Variants in CYTH3 observed in about 807,000 individuals in gnomAD.
CYTH3 encodes cytohesin 3.
Under a neutral mutation model 55.1 loss-of-function variants are expected in CYTH3, and 23 were observed. That is an observed-to-expected ratio of 0.42 (90% confidence interval 0.30 to 0.59). The LOEUF (loss-of-function observed/expected upper bound fraction) is 0.59, where lower values mean the gene tolerates loss of function less well. CYTH3 is among the 20% of genes least tolerant of loss of function. CYTH3 has a pLI of 0.20. For missense variants in CYTH3, 413 were observed against 524.8 expected, an observed-to-expected ratio of 0.79 and a Z score of 2.08; for synonymous variants, 249 against 194.9, an observed-to-expected ratio of 1.28 and a Z score of -2.31.
intron 1 of CYTH3, among the ~76,000 whole-genome samples, chr7:6,239,209 T>C (rs1388368587): frequency 6.6e-6 from 1 of 152,092 alleles, no homozygotes; most frequent in Admixed American, 6.6e-5. Context: ...GCAACCTTTA[T>C]ACTTCATCAA....
intron 1 of CYTH3, among the ~76,000 whole-genome samples, chr7:6,269,304 A>C (rs1413198081): frequency 6.6e-6 from 1 of 152,180 alleles, no homozygotes; most frequent in Non-Finnish European, 1.5e-5. Context: ...CTTGAAACAG[A>C]CTTTGTATAC....
At chr7:6,185,453 T>A (rs1023340297) in intron 4 of CYTH3, among the ~76,000 whole-genome samples, 1 of 151,942 alleles carries the variant, frequency 6.6e-6, no homozygotes, top group Non-Finnish European at 1.5e-5. Context: ...TCCCAGCACT[T>A]TGGGAGGCCA....
chr7:6,214,064 T>C (rs1784378191), intron 1 of CYTH3, among the ~76,000 whole-genome samples: 1 of 152,162 alleles, frequency 6.6e-6, no homozygotes, highest in South Asian at 2.1e-4. Context: ...ATAGGGCCCA[T>C]CTTGGACCAC....
rs533621501 is a variant in CYTH3 at position 6,249,781 on chromosome 7, T to C, written c.34+22693A>G. The stretch of plus-strand genomic sequence containing the variant: ...TATATTCAAGGTGTACATCTCGATG[T>C]CTTGATTAAGGAGACACTGTGAAAT... On this transcript the variant is annotated intron_variant, in intron 1 of 12. Transcript: ENST00000350796. 5.3e-5 allele frequency among the ~76,000 whole-genome samples: 8 copies of C among 152,276 alleles called. No individual in the cohort carries two copies. The South Asian group carries it at 1.7e-3, about 32-fold the overall frequency.
chr7:6,239,767 T>C (rs752180892), intron 1 of CYTH3, among the ~76,000 whole-genome samples: 1 of 152,206 alleles, frequency 6.6e-6, no homozygotes, highest in Non-Finnish European at 1.5e-5. Flanking sequence ...TCATTTATGA[T>C]AGCAATAAAA....
intron 1 of CYTH3, among the ~76,000 whole-genome samples, chr7:6,216,965 T>A (rs1583170374): frequency 6.6e-6 from 1 of 150,994 alleles, no homozygotes; most frequent in Non-Finnish European, 1.5e-5. Flanking sequence ...CAGGCTGGAG[T>A]GCAGTGGCAT....
chr7:6,226,023 T>C (rs988109524), intron 1 of CYTH3, among the ~76,000 whole-genome samples: 4 of 152,190 alleles, frequency 2.6e-5, no homozygotes, highest in African/African-American at 9.7e-5. Context: ...AATTTTTGTC[T>C]TTAAACAAAG....
intron 4 of CYTH3, among the ~76,000 whole-genome samples, chr7:6,181,515 C>G (rs895133976): frequency 6.6e-6 from 1 of 152,226 alleles, no homozygotes; most frequent in African/African-American, 2.4e-5. Flanking sequence ...CTTAGGTAAT[C>G]TGATCTTTCC....
At chr7:6,265,734 A>C (rs753399870) in intron 1 of CYTH3, among the ~76,000 whole-genome samples, 5 of 152,174 alleles carry the variant, frequency 3.3e-5, no homozygotes, top group Admixed American at 6.5e-5. Context: ...AGGAAAGAGC[A>C]AACTTTCAGA....
intron 2 of CYTH3, among the ~76,000 whole-genome samples, chr7:6,189,142 A>C (rs748766615): frequency 8.5e-5 from 13 of 152,114 alleles, no homozygotes; most frequent in Non-Finnish European, 5.9e-5. Flanking sequence ...GGAAGGAGCC[A>C]GGGCCGGCCC....
intron 1 of CYTH3, among the ~76,000 whole-genome samples, chr7:6,234,137 C>T (rs941153963): frequency 1.3e-5 from 2 of 152,194 alleles, no homozygotes; most frequent in African/African-American, 2.4e-5. Context: ...CTTTCTAAAT[C>T]GCAGAACTGA....
At chr7:6,253,621 G>T (rs961486151) in intron 1 of CYTH3, among the ~76,000 whole-genome samples, 1 of 151,810 alleles carries the variant, frequency 6.6e-6, no homozygotes, top group African/African-American at 2.4e-5. Context: ...TTTGAGACCA[G>T]CCTGGCCAAT....
chr7:6,241,809 T>TA (rs1032769741), intron 1 of CYTH3, among the ~76,000 whole-genome samples: 6 of 152,066 alleles, frequency 3.9e-5, no homozygotes, highest in Admixed American at 3.3e-4. Context: ...CTATCAGTTT[T>TA]AAAAAAATAA....
chr7:6,191,833 T>G (rs182168788), intron 1 of CYTH3, among the ~76,000 whole-genome samples: 1 of 148,274 alleles, frequency 6.7e-6, no homozygotes, highest in African/African-American at 2.6e-5. Flanking sequence ...TCCAAGCACT[T>G]TGGGAGGCCA....
intron 4 of CYTH3, among the ~76,000 whole-genome samples, chr7:6,178,974 G>T (rs1025299337): frequency 1.3e-5 from 2 of 152,216 alleles, no homozygotes; most frequent in Non-Finnish European, 1.5e-5. Context: ...AAATCAATTT[G>T]CCAGGAGGCC....
chr7:6,197,837 A>C (rs934631242), intron 1 of CYTH3, among the ~76,000 whole-genome samples: 5 of 152,228 alleles, frequency 3.3e-5, no homozygotes, highest in Admixed American at 6.5e-5. Context: ...CAAGCCTGTA[A>C]TCCCAGTACT....
intron 6 of CYTH3, 74 bp downstream of exon 6, chr7:6,173,579 C>G (rs2128538530): frequency 1.1e-6 from 1 of 945,854 alleles, no homozygotes. Context: ...AGTCAATTCA[C>G]CGCCACTGCT....
chr7:6,218,106 G>A (rs1302192611), intron 1 of CYTH3, among the ~76,000 whole-genome samples: 2 of 150,628 alleles, frequency 1.3e-5, no homozygotes, highest in South Asian at 2.1e-4. Context: ...TTGAGCCGGG[G>A]AGGTGGGAGG....
chr7:6,259,833 T>TAATATATATATATATATATA (rs57061102), intron 1 of CYTH3, among the ~76,000 whole-genome samples: 1 of 15,628 alleles, frequency 6.4e-5, no homozygotes, highest in African/African-American at 6.6e-4. Context: ...TATATATATA[T>TAATATATATATATATATATA]TTTTTTTTTT....
Sources: gnomAD v4.1 joint callset for allele counts (sites outside exome capture counted in the v4.1 genomes callset) on GRCh38, gnomAD v4.1.1 for gene constraint, MANE v1.5 for transcripts, NCBI Gene and HGNC (gene_info 2026-07-23, HGNC 2026-07-21) for gene names.